PCDHGA6: variants seen among roughly 807,000 people sequenced by gnomAD.
PCDHGA6 encodes the protein protocadherin gamma-A6.
PCDHGA6 carries 41 observed loss-of-function variants against 60.6 expected under a neutral mutation model. The observed-to-expected ratio is 0.68, with a 90% CI of 0.53 to 0.88. The LOEUF (loss-of-function observed/expected upper bound fraction) is 0.88, where lower values mean the gene tolerates loss of function less well. Ranked by LOEUF, PCDHGA6 falls within the 40% of genes least tolerant of loss-of-function variation. The pLI is 0.00. For synonymous variants in PCDHGA6, 594 were observed against 524.4 expected (o/e 1.13, Z -1.81); for missense variants, 1,312 against 1,203.0 (o/e 1.09, Z -1.34).
At chr5:141,405,407 CT>C (rs762612492) in intron 1 of PCDHGA6, 3 of 1,582,042 alleles carry the variant, frequency 1.9e-6, no homozygotes, top group South Asian at 1.1e-5. Context: ...TCTTTCTTTT[CT>C]TTTTTTGTTT....
chr5:141,398,704 G>A (rs1044524998), intron 1 of PCDHGA6: 9 of 1,613,808 alleles, frequency 5.6e-6, no homozygotes, highest in Non-Finnish European at 7.6e-6. Flanking sequence ...TAAATACCCG[G>A]AACTGGCACT....
At chr5:141,415,749 T>TG in intron 1 of PCDHGA6, 2 of 1,214,000 alleles carry the variant, frequency 1.6e-6, no homozygotes, top group Non-Finnish European at 1.1e-6. Context: ...GGTTTTTTTT[T>TG]TTTTTTTTTT....
chr5:141,505,287 TG>T, intron 2 of PCDHGA6, 105 bp from the exon 3 acceptor site: 1 of 1,550,864 alleles, frequency 6.4e-7, no homozygotes, highest in Middle Eastern at 2.1e-4. Context: ...GTCTTGGGCA[TG>T]GGGTAGGGTT....
In PCDHGA6 at chr5:141,511,335, A is replaced by T; in HGVS notation, c.*162A>T. 7.0e-7 allele frequency: 1 copy of T among 1,438,820 alleles called. No homozygotes were observed. The highest frequency in any genetic ancestry group is 9.2e-7 in the Non-Finnish European group (1 of 1,083,596). The allele number at this position is 1,438,820 out of a possible 1,614,324, so 89.1% of individuals were successfully genotyped here. A position where few individuals can be genotyped will look rare whatever the true frequency, so the allele number is the denominator to read the frequency against. On this transcript the variant is annotated 3_prime_UTR_variant, in exon 4 of 4. Coordinates refer to ENST00000517434, the MANE Select transcript of PCDHGA6 (RefSeq NM_018919.3). ...AAACAGAAACAAGTGCCCAGTCAGC[A>T]CCTACCCCTTCCCCCCCAGGGGGTT...
chr5:141,385,102 G>T (rs370391349), intron 1 of PCDHGA6: 1 of 1,614,056 alleles, frequency 6.2e-7, no homozygotes, highest in South Asian at 1.1e-5. Context: ...CTTGGCGAAC[G>T]TGCCCACCTC....
At chr5:141,408,936 A>T in intron 1 of PCDHGA6, 4 of 1,613,548 alleles carry the variant, frequency 2.5e-6, no homozygotes, top group Non-Finnish European at 1.7e-6. Flanking sequence ...TTCAGCAGAG[A>T]CGAATATAGA....
intron 1 of PCDHGA6, among the ~76,000 whole-genome samples, chr5:141,449,081 C>T (rs2098627623): frequency 6.6e-6 from 1 of 152,180 alleles, no homozygotes; most frequent in South Asian, 2.1e-4. Flanking sequence ...CCTGTACCTA[C>T]ATCAGTTTTT....
intron 1 of PCDHGA6, chr5:141,478,008 C>T: frequency 6.2e-7 from 1 of 1,614,124 alleles, no homozygotes; most frequent in Non-Finnish European, 8.5e-7. Flanking sequence ...ATCAGTACTG[C>T]CCGTCCAGTC....
intron 1 of PCDHGA6, chr5:141,397,913 G>C (rs1429104427): frequency 1.4e-6 from 1 of 691,886 alleles, no homozygotes; most frequent in African/African-American, 1.8e-5. Flanking sequence ...TGGCGCTCCA[G>C]ATCTCCTCGC....
Position 141,511,103 on chromosome 5 carries a change from A to G in PCDHGA6, c.2729A>G (p.Lys910Arg), listed in dbSNP as rs779731716. The G allele has an allele frequency of 6.2e-7, 1 of 1,614,214 alleles. No individual in the cohort carries two copies. The highest frequency in any genetic ancestry group is 8.5e-7 in the Non-Finnish European group (1 of 1,180,026). The change falls in exon 4 of 4, where the codon AAG becomes AGG. Residue 910 changes from lysine to arginine, a missense_variant. By Grantham distance (26) the Lys-to-Arg change is conservative. Coordinates refer to ENST00000517434, the MANE Select transcript of PCDHGA6 (RefSeq NM_018919.3). ...SNATLTNAAGKRDGKAPAGGN... is the reference protein window; with the variant it reads ...SNATLTNAAGRRDGKAPAGGN... ...GCCACACTGACCAACGCAGCTGGCA[A>G]GCGGGATGGCAAGGCCCCAGCAGGT...
chr5:141,472,954 C>A (rs2099305799), intron 1 of PCDHGA6, among the ~76,000 whole-genome samples: 1 of 143,370 alleles, frequency 7.0e-6, no homozygotes, highest in Admixed American at 7.3e-5. Flanking sequence ...CCATTGCACT[C>A]CAGCCTGGGG....
At chr5:141,406,650 C>T (rs2094835563) in intron 1 of PCDHGA6, among the ~76,000 whole-genome samples, 1 of 152,130 alleles carries the variant, frequency 6.6e-6, no homozygotes, top group Non-Finnish European at 1.5e-5. Context: ...TTTCCTAATG[C>T]TTTAATGTTA....
At position 141,476,247 on chromosome 5, in the gene PCDHGA6, G is replaced by C. The variant is rs1439421662; in HGVS notation, c.2425-18560G>C. 1 of 1,614,042 alleles carries C rather than the reference G, an allele frequency of 6.2e-7. No individual in the cohort carries two copies. Among genetic ancestry groups the C allele is most frequent in the Non-Finnish European group, 8.5e-7 (1 of 1,180,010 alleles). ...GAGATCCCGGAGGAAAGAGAGAAGG[G>C]TTTCGCTGTGGGCAACGTGGTCGCG... On this transcript the variant is annotated intron_variant, in intron 1 of 3. Coordinates refer to ENST00000517434, the MANE Select transcript of PCDHGA6 (RefSeq NM_018919.3). The surrounding 1 kb of genome is among the most constrained non-coding windows in gnomAD (Gnocchi z 7.6).
intron 1 of PCDHGA6, among the ~76,000 whole-genome samples, chr5:141,439,431 G>A (rs2154558488): frequency 6.6e-6 from 1 of 152,298 alleles, no homozygotes; most frequent in Non-Finnish European, 1.5e-5. Flanking sequence ...AAATTCCCAG[G>A]AATATTTTAT....
intron 1 of PCDHGA6, chr5:141,399,746 C>G (rs1478736881): frequency 2.5e-6 from 4 of 1,613,242 alleles, no homozygotes; most frequent in African/African-American, 2.7e-5. Context: ...GCGCTCAGCG[C>G]AAACGTGAGC....
intron 1 of PCDHGA6, chr5:141,400,635 TG>T: frequency 7.3e-7 from 1 of 1,373,110 alleles, no homozygotes; most frequent in Non-Finnish European, 1.0e-6. Flanking sequence ...AAGTCAGAGC[TG>T]CTCAGAAAGC....
At chr5:141,394,584 G>A in intron 1 of PCDHGA6, 1 of 1,613,902 alleles carries the variant, frequency 6.2e-7, no homozygotes. Context: ...GGTGACCAAG[G>A]TGGTGGCGGT....
intron 1 of PCDHGA6, among the ~76,000 whole-genome samples, chr5:141,475,253 A>C (rs2099360990): frequency 6.6e-6 from 1 of 152,200 alleles, no homozygotes; most frequent in Non-Finnish European, 1.5e-5. Flanking sequence ...GTGCTCTACA[A>C]CTGAGATCAT....
chr5:141,494,236 T>C (rs1384800217), intron 1 of PCDHGA6, among the ~76,000 whole-genome samples: 7 of 152,128 alleles, frequency 4.6e-5, no homozygotes, highest in Non-Finnish European at 1.0e-4. Flanking sequence ...AAATTAATAA[T>C]GTATTTAGCT....
Sources: allele counts gnomAD v4.1 joint callset (sites outside exome capture counted in the v4.1 genomes callset), GRCh38; gene constraint gnomAD v4.1.1; non-coding constraint Gnocchi (gnomAD v3.1); transcripts MANE v1.5; gene names NCBI Gene and HGNC (gene_info 2026-07-23, HGNC 2026-07-21).